Variants in ARIH1 observed in about 807,000 individuals in gnomAD.
ARIH1 encodes ariadne RBR E3 ubiquitin protein ligase 1.
In ARIH1, 8 loss-of-function variants were observed where a neutral mutation model predicts 85.0. The observed-to-expected ratio is 0.09, with a 90% CI of 0.06 to 0.17. The LOEUF (loss-of-function observed/expected upper bound fraction) is 0.17, where lower values mean the gene tolerates loss of function less well. ARIH1 is among the 10% of genes least tolerant of loss of function. The pLI is 1.00. For synonymous variants in ARIH1, 238 were observed against 253.6 expected (o/e 0.94, Z 0.59); for missense variants, 311 against 718.1 (o/e 0.43, Z 6.48).
In ARIH1 at chr15:72,587,915, G is replaced by A. The variant is rs1196670252; in HGVS notation, c.*4623G>A. 1 of 152,126 alleles carries A rather than the reference G, an allele frequency of 6.6e-6. No individual in the cohort carries two copies. The highest frequency in any genetic ancestry group is 1.5e-5 in the Non-Finnish European group (1 of 68,016). 9.4% of individuals were successfully genotyped at this position (152,126 alleles called of 1,614,324 possible). Reference sequence around the variant, plus strand: ...CCTTTCTCTAGGCGGTAGCATTTAGGATGGGAAAAAATAATATGAGTTATG... The same window carrying A: ...CCTTTCTCTAGGCGGTAGCATTTAGAATGGGAAAAAATAATATGAGTTATG... On this transcript the variant is annotated 3_prime_UTR_variant, in exon 14 of 14. Coordinates refer to ENST00000379887, the MANE Select transcript of ARIH1 (RefSeq NM_005744.5).
Position 72,585,142 on chromosome 15 carries a change from T to G in ARIH1, c.*1850T>G, listed in dbSNP as rs948228666. The G allele has an allele frequency of 1.3e-5, 2 of 152,096 alleles. No homozygotes were observed. Among genetic ancestry groups the G allele is most frequent in the African/African-American group, 4.8e-5 (2 of 41,412 alleles). The allele number at this position is 152,096 out of a possible 1,614,324, so 9.4% of individuals were successfully genotyped here. A position where few individuals can be genotyped will look rare whatever the true frequency, so the allele number is the denominator to read the frequency against. On this transcript the variant is annotated 3_prime_UTR_variant, in exon 14 of 14. Transcript: ENST00000379887. ...TTTTAGAAAAGGTTGTTACAGGAGA[T>G]TTACTGGCAACTGTTCTTTTCCCAT...
intron 3 of ARIH1, among the ~76,000 whole-genome samples, chr15:72,553,702 G>A (rs903127877): frequency 6.6e-6 from 1 of 152,152 alleles, no homozygotes; most frequent in African/African-American, 2.4e-5. Context: ...GGTGGATCAC[G>A]AGGTCAGGAG....
intron 2 of ARIH1, among the ~76,000 whole-genome samples, chr15:72,520,576 T>TA (rs2063995146): frequency 1.3e-5 from 2 of 152,186 alleles, no homozygotes; most frequent in Non-Finnish European, 2.9e-5. Context: ...TGCTTTATAT[T>TA]TGTTATGTTT....
In ARIH1 at chr15:72,582,276, A is replaced by T; in HGVS notation, c.1589+89A>T. 1.2e-6 allele frequency: 1 copy of T among 847,846 alleles called. No homozygotes were observed. The highest frequency in any genetic ancestry group is 1.7e-5 in the South Asian group (1 of 59,260). The allele number at this position is 847,846 out of a possible 1,614,324, so 52.5% of individuals were successfully genotyped here. A position where few individuals can be genotyped will look rare whatever the true frequency, so the allele number is the denominator to read the frequency against. Reference sequence around the variant, plus strand: ...CAGTGATAGTGAAACTGGGTTTAGCATATCCAGCAACTGAGCTTTTGCCAT... The same window carrying T: ...CAGTGATAGTGAAACTGGGTTTAGCTTATCCAGCAACTGAGCTTTTGCCAT... On this transcript the variant is annotated intron_variant, in intron 13 of 13. Coordinates refer to ENST00000379887, the MANE Select transcript of ARIH1 (RefSeq NM_005744.5). The surrounding 1 kb of genome is among the most constrained non-coding windows in gnomAD (Gnocchi z 4.6).
intron 2 of ARIH1, among the ~76,000 whole-genome samples, chr15:72,523,517 T>C (rs2140413797): frequency 3.2e-3 from 1 of 310 alleles, no homozygotes; most frequent in African/African-American, 8.5e-3. Context: ...AACAGCACAG[T>C]TTTTTTTTTT....
At chr15:72,485,889 G>C (rs984573310) in intron 1 of ARIH1, among the ~76,000 whole-genome samples, 4 of 152,106 alleles carry the variant, frequency 2.6e-5, no homozygotes, top group Non-Finnish European at 5.9e-5. Flanking sequence ...ATTTATTTAG[G>C]TTGACATTAT....
chr15:72,545,434 A>G (rs1046267741), intron 3 of ARIH1, among the ~76,000 whole-genome samples: 2 of 152,256 alleles, frequency 1.3e-5, no homozygotes, highest in Non-Finnish European at 2.9e-5. Flanking sequence ...ATTGTTAAAT[A>G]TGGTATGTGG....
At chr15:72,479,887 A>G (rs1322215331) in intron 1 of ARIH1, among the ~76,000 whole-genome samples, 4 of 149,812 alleles carry the variant, frequency 2.7e-5, no homozygotes, top group African/African-American at 9.9e-5. Flanking sequence ...TTTTCGTTTG[A>G]GACGGAGTCT....
intron 11 of ARIH1, among the ~76,000 whole-genome samples, chr15:72,579,984 T>G (rs572192500): frequency 6.6e-5 from 10 of 152,294 alleles, no homozygotes; most frequent in African/African-American, 2.2e-4. Context: ...TATATTATTA[T>G]TGACTATATT....
intron 1 of ARIH1, among the ~76,000 whole-genome samples, chr15:72,497,633 A>G (rs2063885095): frequency 6.6e-6 from 1 of 152,186 alleles, no homozygotes; most frequent in African/African-American, 2.4e-5. Context: ...TATTGGCTGA[A>G]AAGTGAGTGC....
intron 3 of ARIH1, among the ~76,000 whole-genome samples, chr15:72,552,360 T>C (rs2064156299): frequency 6.6e-6 from 1 of 152,220 alleles, no homozygotes; most frequent in Admixed American, 6.5e-5. Flanking sequence ...CGATCTTGGC[T>C]CACTGCAACC....
At position 72,591,323 on chromosome 15, in the gene ARIH1, T is replaced by G. The variant is rs923477454; in HGVS notation, c.*8031T>G. 3.9e-5 allele frequency: 6 copies of G among 152,124 alleles called. No individual in the cohort carries two copies. Among genetic ancestry groups the G allele is most frequent in the African/African-American group, 1.2e-4 (5 of 41,420 alleles). The allele number at this position is 152,124 out of a possible 1,614,324, so 9.4% of individuals were successfully genotyped here. ...AGAAAGCTTTTTAGGCTGAAAACGT[T>G]TCTATAGATTTTGGATTTCCTTCTG... On this transcript the variant is annotated 3_prime_UTR_variant, in exon 14 of 14. Coordinates refer to ENST00000379887, the MANE Select transcript of ARIH1 (RefSeq NM_005744.5).
Position 72,553,762 on chromosome 15 carries a change from C to G in ARIH1, c.589-1509C>G, listed in dbSNP as rs543201330. On this transcript the variant is annotated intron_variant, in intron 3 of 13. Transcript: ENST00000379887. ...TGAAACCCTGTTTCTACTAAAAATA[C>G]AAAAATTAGCTGGGCGTGGTGGTGC... is the stretch of plus-strand genomic sequence containing the variant. Among the ~76,000 whole-genome samples the G allele has an allele frequency of 5.3e-5, 8 of 152,218 alleles. No homozygotes were observed. In the South Asian group the frequency reaches 1.7e-3, roughly 32 times the overall value.
intron 1 of ARIH1, among the ~76,000 whole-genome samples, chr15:72,517,529 AT>A: frequency 6.6e-6 from 1 of 151,386 alleles, no homozygotes; most frequent in South Asian, 2.1e-4. Flanking sequence ...GGTTCAGGTG[AT>A]TCTCGTGCCT....
intron 1 of ARIH1, among the ~76,000 whole-genome samples, chr15:72,506,162 C>T (rs1050166174): frequency 6.6e-6 from 1 of 151,840 alleles, no homozygotes; most frequent in African/African-American, 2.4e-5. Context: ...TCCTGGCTAA[C>T]ACGGTGAAAC....
At chr15:72,562,452 T>A (rs186490033) in intron 6 of ARIH1, among the ~76,000 whole-genome samples, 2 of 152,240 alleles carry the variant, frequency 1.3e-5, no homozygotes, top group African/African-American at 2.4e-5. Context: ...GGAAACAGCC[T>A]ATTTTAGAAA....
chr15:72,582,701 T>C lies in ARIH1; in HGVS notation c.1590-507T>C, dbSNP rs1439005935. Among the ~76,000 whole-genome samples the C allele has an allele frequency of 6.6e-6, 1 of 152,092 alleles. No homozygotes were observed. Among genetic ancestry groups the C allele is most frequent in the African/African-American group, 2.4e-5 (1 of 41,422 alleles). On this transcript the variant is annotated intron_variant, in intron 13 of 13. Transcript: ENST00000379887. This position sits in a 1 kb window ranked among gnomAD's most constrained non-coding sequence, Gnocchi z 4.6. ...AATGTTTTATTTCTCAACATGAAGC[T>C]CTTTCTCCCAAAGTGACAAATGCTA...
intron 3 of ARIH1, among the ~76,000 whole-genome samples, chr15:72,545,975 T>C (rs1018420130): frequency 1.3e-5 from 2 of 152,254 alleles, no homozygotes; most frequent in Admixed American, 1.3e-4. Context: ...TCTGCTTTAA[T>C]AGTTAAGCAT....
chr15:72,491,276 GT>G (rs1157120523), intron 1 of ARIH1, among the ~76,000 whole-genome samples: 1 of 151,788 alleles, frequency 6.6e-6, no homozygotes, highest in Admixed American at 6.6e-5. Flanking sequence ...CCTTTGTAAG[GT>G]TTTTTTCCTA....
Sources: gnomAD v4.1 joint callset for allele counts (sites outside exome capture counted in the v4.1 genomes callset) on GRCh38, gnomAD v4.1.1 for gene constraint, Gnocchi (gnomAD v3.1) non-coding constraint, MANE v1.5 for transcripts, NCBI Gene and HGNC (gene_info 2026-07-23, HGNC 2026-07-21) for gene names.